The following NIBAN1 variants were observed in gnomAD, a reference collection of about 807,000 sequenced individuals.
NIBAN1 encodes niban apoptosis regulator 1.
Under a neutral mutation model 75.1 loss-of-function variants are expected in NIBAN1, and 81 were observed. That is an observed-to-expected ratio of 1.08 (90% CI 0.90 to 1.30). The LOEUF is 1.30. Ranked by LOEUF, NIBAN1 falls within the 50% of genes most tolerant of loss-of-function variation. The pLI is 0.00. For missense variants in NIBAN1, 1,133 were observed against 1,128.1 expected (o/e 1.00, Z -0.06); for synonymous variants, 436 against 424.8 (o/e 1.03, Z -0.32).
intron 5 of NIBAN1, among the ~76,000 whole-genome samples, chr1:184,866,785 T>C (rs943106385): frequency 6.6e-6 from 1 of 152,308 alleles, no homozygotes; most frequent in East Asian, 1.9e-4. Flanking sequence ...GTAATTTCAC[T>C]ACCCTTCATC....
chr1:184,895,415 G>A (rs111273072), intron 2 of NIBAN1, among the ~76,000 whole-genome samples: 3,785 of 152,240 alleles, frequency 0.025, 67 homozygotes, highest in Non-Finnish European at 0.039. Flanking sequence ...ATTTTAACAA[G>A]CTCCCTAAAT....
At chr1:184,940,713 T>A (rs1272018561) in intron 1 of NIBAN1, among the ~76,000 whole-genome samples, 2 of 152,234 alleles carry the variant, frequency 1.3e-5, no homozygotes, top group African/African-American at 4.8e-5. Context: ...ACCACTTGCA[T>A]AAAAATTTTT....
At chr1:184,907,267 A>G (rs1217517048) in intron 1 of NIBAN1, among the ~76,000 whole-genome samples, 2 of 152,112 alleles carry the variant, frequency 1.3e-5, no homozygotes, top group East Asian at 1.9e-4. Flanking sequence ...TACTGTTACT[A>G]TGAAGGTGAA....
intron 9 of NIBAN1, among the ~76,000 whole-genome samples, chr1:184,811,755 G>A (rs1654387711): frequency 6.6e-6 from 1 of 152,104 alleles, no homozygotes; most frequent in African/African-American, 2.4e-5. Context: ...GCCTCCCAAA[G>A]TGCCAGGATT....
chr1:184,845,428 A>C (rs1479142931), intron 5 of NIBAN1, among the ~76,000 whole-genome samples: 1 of 152,204 alleles, frequency 6.6e-6, no homozygotes, highest in Non-Finnish European at 1.5e-5. Context: ...TTATGATGAC[A>C]TTATGAAAAA....
chr1:184,837,059 G>A (rs1655162815), intron 5 of NIBAN1, among the ~76,000 whole-genome samples: 1 of 152,202 alleles, frequency 6.6e-6, no homozygotes, highest in Non-Finnish European at 1.5e-5. Flanking sequence ...TTTATTCTAA[G>A]TTGTTTGAGA....
At chr1:184,817,215 T>C (rs553636581) in intron 9 of NIBAN1, among the ~76,000 whole-genome samples, 1 of 152,376 alleles carries the variant, frequency 6.6e-6, no homozygotes, top group Non-Finnish European at 1.5e-5. Context: ...CATCCTTTTT[T>C]ATGGCTGCAT....
chr1:184,887,468 C>A (rs1430237451), intron 4 of NIBAN1, among the ~76,000 whole-genome samples: 1 of 152,182 alleles, frequency 6.6e-6, no homozygotes. Flanking sequence ...GAGCCCACAG[C>A]TACTAAGATC....
intron 1 of NIBAN1, among the ~76,000 whole-genome samples, chr1:184,954,590 T>C (rs570054642): frequency 1.3e-5 from 2 of 152,344 alleles, no homozygotes; most frequent in Non-Finnish European, 2.9e-5. Flanking sequence ...GGGCAAATTA[T>C]ACTTAAGTTT....
At chr1:184,842,434 T>C (rs1213378471) in intron 5 of NIBAN1, among the ~76,000 whole-genome samples, 1 of 152,068 alleles carries the variant, frequency 6.6e-6, no homozygotes, top group Non-Finnish European at 1.5e-5. Context: ...TACCCAGCAT[T>C]AGGAGAGTGG....
At chr1:184,803,980 G>A (rs1654119170) in intron 11 of NIBAN1, among the ~76,000 whole-genome samples, 2 of 152,186 alleles carry the variant, frequency 1.3e-5, no homozygotes, top group Non-Finnish European at 2.9e-5. Context: ...ATAGAACTGG[G>A]GGGTGAGTTT....
chr1:184,923,740 T>G (rs1657615806), intron 1 of NIBAN1, among the ~76,000 whole-genome samples: 1 of 152,176 alleles, frequency 6.6e-6, no homozygotes, highest in Non-Finnish European at 1.5e-5. Context: ...CCATCTGCAA[T>G]TTCTTTCATC....
chr1:184,807,628 A>C (rs1654242353), intron 10 of NIBAN1, among the ~76,000 whole-genome samples: 2 of 152,162 alleles, frequency 1.3e-5, no homozygotes, highest in African/African-American at 4.8e-5. Context: ...ATCTCTACTA[A>C]AAATACAAAA....
chr1:184,905,420 A>G (rs955437470), intron 1 of NIBAN1, among the ~76,000 whole-genome samples: 2 of 151,920 alleles, frequency 1.3e-5, no homozygotes, highest in African/African-American at 2.4e-5. Context: ...TCATATCACT[A>G]TCTTTGTAAG....
intron 2 of NIBAN1, 104 bp downstream of exon 2, chr1:184,899,075 T>A: frequency 7.4e-7 from 1 of 1,358,454 alleles, no homozygotes; most frequent in Non-Finnish European, 1.0e-6. Context: ...CAGAGCAGAG[T>A]TTTTAAAACT....
intron 1 of NIBAN1, among the ~76,000 whole-genome samples, chr1:184,951,691 C>T (rs990878219): frequency 1.4e-4 from 22 of 152,292 alleles, no homozygotes; most frequent in Admixed American, 1.2e-3. Context: ...CTTGCTTCCT[C>T]CCTTGTCCCC....
chr1:184,937,161 T>TC (rs1047482842), intron 1 of NIBAN1, among the ~76,000 whole-genome samples: 5 of 148,932 alleles, frequency 3.4e-5, no homozygotes, highest in Non-Finnish European at 7.4e-5. Context: ...TTTTTTTTTT[T>TC]TTTTTTTGAG....
At chr1:184,971,038 C>A (rs1658922971) in intron 1 of NIBAN1, among the ~76,000 whole-genome samples, 4 of 152,096 alleles carry the variant, frequency 2.6e-5, no homozygotes, top group Admixed American at 2.6e-4. Context: ...GTAATCCCAG[C>A]ACTTTGGGAG....
intron 3 of NIBAN1, among the ~76,000 whole-genome samples, chr1:184,890,435 A>G (rs572095774): frequency 6.6e-6 from 1 of 152,356 alleles, no homozygotes; most frequent in Admixed American, 6.5e-5. Context: ...CAGTCACAAC[A>G]TGGTAAATCA....
Sources: allele counts gnomAD v4.1 joint callset (sites outside exome capture counted in the v4.1 genomes callset), GRCh38; gene constraint gnomAD v4.1.1; transcripts MANE v1.5; gene names NCBI Gene and HGNC (gene_info 2026-07-23, HGNC 2026-07-21).